Variants in MAST4 observed in about 807,000 individuals in gnomAD.
MAST4 encodes microtubule associated serine/threonine kinase family member 4.
Under a neutral mutation model 162.7 loss-of-function variants are expected in MAST4, and 89 were observed. The ratio of observed to expected loss-of-function variants is 0.55; its 90% CI spans 0.46 to 0.65. MAST4 has a LOEUF of 0.65. Among genes scored for constraint, MAST4 ranks in the 30% least tolerant of loss-of-function variants. The probability of loss-of-function intolerance (pLI) is 0.00; values close to 1 mark genes in which losing one functional copy is unlikely to be tolerated. For missense variants in MAST4, 3,153 were observed against 3,374.0 expected, an observed-to-expected ratio of 0.93 and a Z score of 1.62; for synonymous variants, 1,479 against 1,361.1, an observed-to-expected ratio of 1.09 and a Z score of -1.91.
chr5:67,160,584 T>A lies in MAST4; in HGVS notation c.3777T>A (p.Ser1259Arg), dbSNP rs1773077182. 6.2e-7 allele frequency: 1 copy of A among 1,613,320 alleles called. No homozygotes were observed. The highest frequency in any genetic ancestry group is 8.5e-7 in the Non-Finnish European group (1 of 1,179,666). ...RRSKKSKKKE[S>R]LERRRSLFKK... ...GCAAGAAATCCAAGAAGAAAGAAAG[T>A]CTCGAAAGGTTAGTAAAATCAGTAT... is the stretch of plus-strand genomic sequence containing the variant. Residue 1259 changes from serine to arginine, a missense_variant, in exon 27 of 29, where the codon AGT (serine) becomes AGA (arginine). Physicochemically the swap from Ser to Arg is moderately radical, Grantham distance 110 (BLOSUM62 -1). Around this residue, in one of 7 missense-constraint regions of MAST4, gnomAD observed 619 missense variants for 744.2 expected, o/e 0.83. Coordinates refer to ENST00000403625, the MANE Select transcript of MAST4 (RefSeq NM_001164664.2).
chr5:67,074,782 G>C (rs1324440831), intron 5 of MAST4, among the ~76,000 whole-genome samples: 1 of 152,060 alleles, frequency 6.6e-6, no homozygotes, highest in Admixed American at 6.6e-5. Context: ...TATTACATTA[G>C]GATTATCGAT....
intron 4 of MAST4, among the ~76,000 whole-genome samples, chr5:67,022,061 T>C (rs1170757969): frequency 1.3e-5 from 2 of 152,194 alleles, no homozygotes; most frequent in Non-Finnish European, 2.9e-5. Flanking sequence ...TGTAATTCTG[T>C]ATATACTTAT....
intron 8 of MAST4, 138 bp downstream of exon 8, chr5:67,100,730 T>G: frequency 1.9e-6 from 2 of 1,053,188 alleles, no homozygotes; most frequent in Non-Finnish European, 2.7e-6. Context: ...GATGTTTCCA[T>G]GTACACATAA....
intron 4 of MAST4, among the ~76,000 whole-genome samples, chr5:67,031,715 C>G (rs1187867038): frequency 6.6e-6 from 1 of 152,096 alleles, no homozygotes; most frequent in Middle Eastern, 3.2e-3. Flanking sequence ...TTCCCATATC[C>G]CTACAATCTA....
Position 67,164,372 on chromosome 5 carries a change from G to C in MAST4, c.5193G>C (p.Glu1731Asp). 5 of 1,613,946 alleles carry C rather than the reference G, an allele frequency of 3.1e-6. No individual in the cohort carries two copies. Among genetic ancestry groups the C allele is most frequent in the Non-Finnish European group, 4.2e-6 (5 of 1,179,868 alleles). ...NPVRPTGGQQ[E>D]PPPASESRAF... is the part of the protein sequence containing the mutation. ...TCCGACCCACGGGTGGGCAGCAGGA[G>C]CCCCCGCCGGCTTCTGAGAGCCGAG... Residue 1731 changes from glutamate (E) to aspartate (D), a missense_variant, in exon 29 of 29, where the codon GAG becomes GAC. Glu to Asp is a conservative substitution (Grantham distance 45). Around this residue, in one of 7 missense-constraint regions of MAST4, gnomAD observed 1,644 missense variants for 1,495.0 expected, o/e 1.10. Coordinates refer to ENST00000403625, the MANE Select transcript of MAST4 (RefSeq NM_001164664.2). The surrounding 1 kb of genome is among the most constrained non-coding windows in gnomAD (Gnocchi z 5.3).
intron 1 of MAST4, among the ~76,000 whole-genome samples, chr5:66,612,196 GCTT>G: frequency 6.6e-6 from 1 of 152,180 alleles, no homozygotes. Context: ...TGAGGTTTAG[GCTT>G]CTTTTTTGCA....
chr5:67,071,478 C>T (rs990084787), intron 5 of MAST4, among the ~76,000 whole-genome samples: 5 of 151,110 alleles, frequency 3.3e-5, no homozygotes, highest in Admixed American at 2.0e-4. Flanking sequence ...GATGGCTGGG[C>T]GTGGTGGCTC....
In MAST4 at chr5:66,801,087, T is replaced by C. The variant is rs566672660; in HGVS notation, c.642+12293T>C. ...ATGCCTTTTGGGCCTCTAACATTTT[T>C]CCTGGCTCAGCCCATCAGTAAAAAC... On this transcript the variant is annotated intron_variant, in intron 3 of 28. Transcript: ENST00000403625. 1.2e-4 allele frequency among the ~76,000 whole-genome samples: 19 copies of C among 152,336 alleles called. No individual in the cohort carries two copies. In the South Asian group the frequency reaches 3.3e-3, roughly 27 times the overall value.
At chr5:66,965,659 T>C (rs927226528) in intron 4 of MAST4, among the ~76,000 whole-genome samples, 1 of 149,858 alleles carries the variant, frequency 6.7e-6, no homozygotes, top group East Asian at 2.0e-4. Context: ...GCATAGTATA[T>C]GGTAGAAATA....
intron 4 of MAST4, among the ~76,000 whole-genome samples, chr5:66,981,265 T>C (rs1741840273): frequency 6.6e-6 from 1 of 152,240 alleles, no homozygotes; most frequent in Non-Finnish European, 1.5e-5. Context: ...TATTTAATAA[T>C]GTTCTTATTT....
intron 1 of MAST4, among the ~76,000 whole-genome samples, chr5:66,685,436 G>A (rs1259432307): frequency 6.6e-6 from 1 of 152,080 alleles, no homozygotes; most frequent in Non-Finnish European, 1.5e-5. Context: ...AATTCATAGG[G>A]ATTAACAAAA....
chr5:66,993,658 T>G (rs1395568044), intron 4 of MAST4, among the ~76,000 whole-genome samples: 5 of 152,076 alleles, frequency 3.3e-5, no homozygotes, highest in Non-Finnish European at 5.9e-5. Context: ...GCAAAGGCAG[T>G]GAGGTGTGGC....
chr5:66,916,873 A>G (rs1764150171), intron 4 of MAST4: 1 of 634,672 alleles, frequency 1.6e-6, no homozygotes, highest in African/African-American at 1.8e-5. Context: ...ATTAACTGAC[A>G]TTCTTGTTGT....
At chr5:66,979,170 A>G (rs1252905392) in intron 4 of MAST4, among the ~76,000 whole-genome samples, 1 of 152,204 alleles carries the variant, frequency 6.6e-6, no homozygotes, top group Non-Finnish European at 1.5e-5. Flanking sequence ...GAACCTAAAA[A>G]TGATGGCACA....
intron 14 of MAST4, among the ~76,000 whole-genome samples, chr5:67,127,082 TTA>T (rs1390859554): frequency 6.6e-6 from 1 of 152,218 alleles, no homozygotes; most frequent in Non-Finnish European, 1.5e-5. Flanking sequence ...CACATTGGTT[TTA>T]TGTCCTGAGA....
chr5:66,598,406 A>G (rs757464002), intron 1 of MAST4, among the ~76,000 whole-genome samples: 4 of 152,024 alleles, frequency 2.6e-5, no homozygotes, highest in Non-Finnish European at 5.9e-5. Context: ...TTTCATTTTC[A>G]CTCTCATACT....
At chr5:66,610,866 A>G (rs1343502264) in intron 1 of MAST4, among the ~76,000 whole-genome samples, 1 of 152,232 alleles carries the variant, frequency 6.6e-6, no homozygotes, top group East Asian at 1.9e-4. Flanking sequence ...TGTCTTTAGG[A>G]CATCTTCATT....
intron 3 of MAST4, among the ~76,000 whole-genome samples, chr5:66,807,014 C>T (rs6890895): frequency 0.048 from 7,349 of 152,210 alleles, 267 homozygotes; most frequent in South Asian, 0.13. Context: ...TCACTCTTAT[C>T]TACATTAAAT....
At chr5:66,771,133 C>T (rs546769970) in intron 2 of MAST4, among the ~76,000 whole-genome samples, 70 of 151,980 alleles carry the variant, frequency 4.6e-4, no homozygotes, top group African/African-American at 1.6e-3. Context: ...AAAGTTTTTT[C>T]TGGCATGATT....
Sources: gnomAD v4.1 joint callset for allele counts (sites outside exome capture counted in the v4.1 genomes callset) on GRCh38, gnomAD v4.1.1 for gene constraint, gnomAD v4.1.1 regional missense constraint, Gnocchi (gnomAD v3.1) non-coding constraint, MANE v1.5 for transcripts, NCBI Gene and HGNC (gene_info 2026-07-23, HGNC 2026-07-21) for gene names.